Variants in SYNDIG1 observed in about 807,000 individuals in gnomAD.
The protein encoded by SYNDIG1 is synapse differentiation inducing 1, also known as synapse differentiation-inducing gene protein 1.
A neutral mutation model predicts 19.4 loss-of-function variants in SYNDIG1; 9 were observed. The ratio of observed to expected loss-of-function variants is 0.46; its 90% CI spans 0.28 to 0.81. SYNDIG1 has a LOEUF of 0.81. SYNDIG1 is among the 30% of genes least tolerant of loss of function. SYNDIG1 has a pLI of 0.12. For missense variants in SYNDIG1, 311 were observed against 343.3 expected (o/e 0.91, Z 0.74); for synonymous variants, 141 against 145.9 (o/e 0.97, Z 0.24).
intron 2 of SYNDIG1, among the ~76,000 whole-genome samples, chr20:24,571,489 A>G (rs1035352911): frequency 6.6e-6 from 1 of 152,160 alleles, no homozygotes. Flanking sequence ...ATATATATAC[A>G]CACACACAAT....
intron 1 of SYNDIG1, among the ~76,000 whole-genome samples, chr20:24,505,404 CG>C (rs1313778713): frequency 6.6e-6 from 1 of 152,104 alleles, no homozygotes; most frequent in Non-Finnish European, 1.5e-5. Context: ...ACCCCCTCAG[CG>C]GGGAAGAGGG....
intron 2 of SYNDIG1, among the ~76,000 whole-genome samples, chr20:24,547,241 C>T (rs770191758): frequency 5.3e-5 from 8 of 152,234 alleles, no homozygotes; most frequent in Non-Finnish European, 7.3e-5. Flanking sequence ...TCCCCAATCA[C>T]TTTCCCAAGA....
chr20:24,645,055 T>C (rs1239546312), intron 3 of SYNDIG1, among the ~76,000 whole-genome samples: 2 of 152,182 alleles, frequency 1.3e-5, no homozygotes, highest in African/African-American at 4.8e-5. Flanking sequence ...GGAAAAATGC[T>C]CTTACATTAG....
chr20:24,549,051 A>G (rs1178087436), intron 2 of SYNDIG1, among the ~76,000 whole-genome samples: 1 of 152,122 alleles, frequency 6.6e-6, no homozygotes, highest in Non-Finnish European at 1.5e-5. Context: ...TCAAACTTTG[A>G]TCATTGCTTT....
chr20:24,659,908 A>G (rs531310622), intron 3 of SYNDIG1, among the ~76,000 whole-genome samples: 2 of 152,114 alleles, frequency 1.3e-5, no homozygotes, highest in Non-Finnish European at 2.9e-5. Context: ...GATAGAATTC[A>G]TTTCTAAAGT....
rs189327317 is a variant in SYNDIG1 at position 24,517,338 on chromosome 20, G to A, written c.-78-25682G>A. Among the ~76,000 whole-genome samples the A allele has an allele frequency of 1.6e-3, 235 of 150,566 alleles. 1 individual carries two copies. The highest frequency in any genetic ancestry group is 2.4e-3 in the African/African-American group (98 of 41,266). Reference sequence around the variant, plus strand: ...AAATAAATAAATATATATATATGCCGGGTGTGGTGGCTCACGCCTGTAATC... The same window carrying A: ...AAATAAATAAATATATATATATGCCAGGTGTGGTGGCTCACGCCTGTAATC... On this transcript the variant is annotated intron_variant, in intron 1 of 3. Coordinates refer to ENST00000376862, the MANE Select transcript of SYNDIG1 (RefSeq NM_024893.3).
At chr20:24,613,564 A>G (rs1466150910) in intron 3 of SYNDIG1, among the ~76,000 whole-genome samples, 1 of 151,880 alleles carries the variant, frequency 6.6e-6, no homozygotes, top group Non-Finnish European at 1.5e-5. Context: ...GCGGGTCCCA[A>G]AGCCACCCGC....
In SYNDIG1 at chr20:24,598,946, A is replaced by T. The variant is rs151292556; in HGVS notation, c.618+13953A>T. 3.8e-3 allele frequency among the ~76,000 whole-genome samples: 578 copies of T among 152,332 alleles called. 3 individuals are homozygous for T. The highest frequency in any genetic ancestry group is 0.013 in the African/African-American group (554 of 41,586). ...TGGTCTAGGCGAAAGATTAATGGCTAGGACCTCAAAAGCACAGGCAACCAA... is the reference window on the plus strand; with the variant it reads ...TGGTCTAGGCGAAAGATTAATGGCTTGGACCTCAAAAGCACAGGCAACCAA... On this transcript the variant is annotated intron_variant, in intron 3 of 3. Coordinates refer to ENST00000376862, the MANE Select transcript of SYNDIG1 (RefSeq NM_024893.3).
intron 3 of SYNDIG1, among the ~76,000 whole-genome samples, chr20:24,616,941 G>T (rs2058943926): frequency 6.6e-6 from 1 of 152,162 alleles, no homozygotes; most frequent in Non-Finnish European, 1.5e-5. Context: ...ACGTAGCAGA[G>T]CCCCGGTGGC....
At chr20:24,655,249 T>C (rs1284362182) in intron 3 of SYNDIG1, among the ~76,000 whole-genome samples, 2 of 152,120 alleles carry the variant, frequency 1.3e-5, no homozygotes, top group African/African-American at 4.8e-5. Flanking sequence ...TGAGAGGGTA[T>C]TAATGGGTGT....
intron 3 of SYNDIG1, among the ~76,000 whole-genome samples, chr20:24,606,354 G>A (rs1308561301): frequency 1.3e-5 from 2 of 152,150 alleles, no homozygotes; most frequent in Non-Finnish European, 2.9e-5. Flanking sequence ...TGCCATGAGC[G>A]ACAACTCATG....
intron 1 of SYNDIG1, among the ~76,000 whole-genome samples, chr20:24,525,290 T>A (rs1235856300): frequency 3.4e-3 from 46 of 13,526 alleles, no homozygotes; most frequent in African/African-American, 9.8e-3. Context: ...CTTCTTCTTT[T>A]TTTTTTTTTT....
chr20:24,479,811 C>T (rs1263311593), intron 1 of SYNDIG1, among the ~76,000 whole-genome samples: 1 of 152,144 alleles, frequency 6.6e-6, no homozygotes, highest in East Asian at 1.9e-4. Context: ...CCTCTCGAAG[C>T]CCCCTACTGG....
At chr20:24,598,614 C>G (rs188186722) in intron 3 of SYNDIG1, among the ~76,000 whole-genome samples, 1 of 152,370 alleles carries the variant, frequency 6.6e-6, no homozygotes, top group East Asian at 1.9e-4. Flanking sequence ...ACAAGCACCT[C>G]TAGGTGCTCA....
intron 2 of SYNDIG1, among the ~76,000 whole-genome samples, chr20:24,568,676 C>T (rs1200502763): frequency 2.6e-5 from 4 of 152,122 alleles, no homozygotes; most frequent in Non-Finnish European, 5.9e-5. Flanking sequence ...ATTTCCAAAA[C>T]GTGAGGAATG....
intron 3 of SYNDIG1, among the ~76,000 whole-genome samples, chr20:24,621,271 T>G (rs955090516): frequency 6.6e-6 from 1 of 152,208 alleles, no homozygotes; most frequent in African/African-American, 2.4e-5. Flanking sequence ...AAAAACAAAG[T>G]GTTGGGAAAG....
At position 24,601,519 on chromosome 20, in the gene SYNDIG1, G is replaced by A. The variant is rs556646119; in HGVS notation, c.618+16526G>A. Among the ~76,000 whole-genome samples, 43 of 151,986 alleles carry A rather than the reference G, an allele frequency of 2.8e-4. 1 individual carries two copies. The South Asian group carries it at 5.8e-3, about 21-fold the overall frequency. On this transcript the variant is annotated intron_variant, in intron 3 of 3. Coordinates refer to ENST00000376862, the MANE Select transcript of SYNDIG1 (RefSeq NM_024893.3). The stretch of plus-strand genomic sequence containing the variant: ...TAGGCTTTCTGTTGTTTCTCATATC[G>A]GTTATGGCAAGTTATATTTTTCTAG...
chr20:24,545,220 G>C (rs1016385815), intron 2 of SYNDIG1, among the ~76,000 whole-genome samples: 1 of 152,086 alleles, frequency 6.6e-6, no homozygotes, highest in Non-Finnish European at 1.5e-5. Flanking sequence ...GAAGCCCACT[G>C]GCAGGGAGTG....
At chr20:24,574,082 C>A (rs1352364935) in intron 2 of SYNDIG1, among the ~76,000 whole-genome samples, 1 of 152,128 alleles carries the variant, frequency 6.6e-6, no homozygotes, top group South Asian at 2.1e-4. Flanking sequence ...CTCCAGGCTC[C>A]CACTTCTCTT....
Sources: allele counts gnomAD v4.1 joint callset (sites outside exome capture counted in the v4.1 genomes callset), GRCh38; gene constraint gnomAD v4.1.1; transcripts MANE v1.5; gene names NCBI Gene and HGNC (gene_info 2026-07-23, HGNC 2026-07-21).